BLNK: variants seen among roughly 807,000 people sequenced by gnomAD.
BLNK encodes B cell linker.
A neutral mutation model predicts 73.5 loss-of-function variants in BLNK; 29 were observed. The ratio of observed to expected loss-of-function variants is 0.39; its 90% CI spans 0.29 to 0.54. The LOEUF is 0.54. Ranked by LOEUF, BLNK falls within the 20% of genes least tolerant of loss-of-function variation. The probability of loss-of-function intolerance (pLI) is 0.61; values close to 1 mark genes in which losing one functional copy is unlikely to be tolerated. For synonymous variants in BLNK, 176 were observed against 200.8 expected (o/e 0.88, Z 1.04); for missense variants, 460 against 562.8 (o/e 0.82, Z 1.85).
At position 96,224,025 on chromosome 10, in the gene BLNK, A is replaced by G. The variant is rs1554901864; in HGVS notation, c.362-36T>C. The G allele has an allele frequency of 2.5e-6, 4 of 1,611,284 alleles. No individual in the cohort carries two copies. The South Asian group carries it at 4.4e-5, about 18-fold the overall frequency. On this transcript the variant is annotated intron_variant, in intron 5 of 16. Transcript: ENST00000224337. ...ACAAACAAAAAACATAACATAAAAG[A>G]GGCTCTGGATCATTTCCTGGGTGGA...
chr10:96,222,412 A>C (rs781970706), intron 6 of BLNK, among the ~76,000 whole-genome samples: 38 of 152,192 alleles, frequency 2.5e-4, no homozygotes, highest in Non-Finnish European at 4.3e-4. Context: ...CTCTGTCCTT[A>C]TTTAAAATGC....
intron 1 of BLNK, among the ~76,000 whole-genome samples, chr10:96,258,325 A>T (rs372431369): frequency 1.3e-5 from 2 of 152,304 alleles, no homozygotes; most frequent in South Asian, 4.1e-4. Context: ...ACAGATGCAG[A>T]TACTGAAGCC....
intron 1 of BLNK, among the ~76,000 whole-genome samples, chr10:96,260,169 T>C (rs1226137109): frequency 6.6e-6 from 1 of 152,126 alleles, no homozygotes; most frequent in African/African-American, 2.4e-5. Flanking sequence ...TAAAAGCAGA[T>C]TGCAAAAACC....
At chr10:96,222,669 C>T (rs2084225446) in intron 6 of BLNK, among the ~76,000 whole-genome samples, 1 of 152,082 alleles carries the variant, frequency 6.6e-6, no homozygotes, top group Admixed American at 6.5e-5. Context: ...GAAGCAAGAG[C>T]TGTCAAAGGG....
At chr10:96,215,805 C>T in intron 7 of BLNK, 1 of 162,748 alleles carries the variant, frequency 6.1e-6, no homozygotes, top group Non-Finnish European at 1.3e-5. Context: ...ATGCAATACA[C>T]ACCATTGCTC....
At chr10:96,207,847 A>G in intron 10 of BLNK, 25 bp downstream of exon 10, 1 of 1,613,340 alleles carries the variant, frequency 6.2e-7, no homozygotes, top group Non-Finnish European at 8.5e-7. Context: ...AATATGAAGC[A>G]CTTTTAAATG....
intron 1 of BLNK, among the ~76,000 whole-genome samples, chr10:96,250,115 G>T (rs1302284155): frequency 6.6e-6 from 1 of 152,118 alleles, no homozygotes; most frequent in Admixed American, 6.5e-5. Flanking sequence ...TAGCTAGGGA[G>T]GCCGGGCACA....
chr10:96,256,849 C>G (rs563270714), intron 1 of BLNK, among the ~76,000 whole-genome samples: 34 of 143,532 alleles, frequency 2.4e-4, no homozygotes, highest in Admixed American at 4.3e-4. Context: ...CCACTGCACT[C>G]CAGCCTGGGC....
rs2083327264 is a variant in BLNK at position 96,191,377 on chromosome 10, T to G, written c.*596A>C. ...TAGATCAAAGAGGGTATAATTATCT[T>G]TAGTAAGCAAAACTAACAGCATAAT... On this transcript the variant is annotated 3_prime_UTR_variant, in exon 17 of 17. Transcript: ENST00000224337. Among the ~76,000 whole-genome samples, 1 of 152,018 alleles carries G rather than the reference T, an allele frequency of 6.6e-6. No homozygotes were observed. Among genetic ancestry groups the G allele is most frequent in the Non-Finnish European group, 1.5e-5 (1 of 67,988 alleles).
In BLNK at chr10:96,191,268, A is replaced by G. The variant is rs1257860504; in HGVS notation, c.*705T>C. On this transcript the variant is annotated 3_prime_UTR_variant, in exon 17 of 17. Coordinates refer to ENST00000224337, the MANE Select transcript of BLNK (RefSeq NM_013314.4). Reference sequence around the variant, plus strand: ...TTTTTTTTTTTTATGTAAATCACCCAGTCTTGAGTATGTCTTTATTAGCAG... The same window carrying G: ...TTTTTTTTTTTTATGTAAATCACCCGGTCTTGAGTATGTCTTTATTAGCAG... 7.5e-6 allele frequency among the ~76,000 whole-genome samples: 1 copy of G among 133,968 alleles called. No individual in the cohort carries two copies. Among genetic ancestry groups the G allele is most frequent in the South Asian group, 2.3e-4 (1 of 4,316 alleles). The allele number at this position is 133,968 out of a possible 152,430, so 87.9% of individuals were successfully genotyped here. A position where few individuals can be genotyped will look rare whatever the true frequency, so the allele number is the denominator to read the frequency against.
At chr10:96,226,883 A>T (rs1328888043) in intron 5 of BLNK, among the ~76,000 whole-genome samples, 1 of 151,908 alleles carries the variant, frequency 6.6e-6, no homozygotes, top group Non-Finnish European at 1.5e-5. Context: ...AGCTGTGTCC[A>T]TTTAACCCAT....
chr10:96,238,734 A>G (rs12252673), intron 3 of BLNK, among the ~76,000 whole-genome samples: 11,700 of 152,192 alleles, frequency 0.077, 1,254 homozygotes, highest in East Asian at 0.38. Context: ...ATTGAGTGTA[A>G]GAGCAGGGGA....
chr10:96,208,404 A>G (rs916454224), intron 9 of BLNK, among the ~76,000 whole-genome samples: 3 of 152,134 alleles, frequency 2.0e-5, no homozygotes, highest in Non-Finnish European at 4.4e-5. Flanking sequence ...GTCTCTAGGG[A>G]CTATTCTCCA....
chr10:96,207,487 G>A (rs1324674031), intron 10 of BLNK, among the ~76,000 whole-genome samples: 1 of 152,218 alleles, frequency 6.6e-6, no homozygotes. Context: ...TGTGGCCCAG[G>A]TTCACCATGT....
At chr10:96,243,476 G>A (rs911490201) in intron 2 of BLNK, among the ~76,000 whole-genome samples, 2 of 152,192 alleles carry the variant, frequency 1.3e-5, no homozygotes, top group African/African-American at 2.4e-5. Context: ...GGGCCCCAGA[G>A]GTCAAAGCTG....
chr10:96,218,789 CTCTT>C, intron 6 of BLNK, among the ~76,000 whole-genome samples: 1 of 152,090 alleles, frequency 6.6e-6, no homozygotes, highest in Non-Finnish European at 1.5e-5. Context: ...CCTCCCCCTC[CTCTT>C]TCTGTCTTAT....
At chr10:96,233,105 C>T (rs1337784343) in intron 3 of BLNK, among the ~76,000 whole-genome samples, 4 of 152,200 alleles carry the variant, frequency 2.6e-5, no homozygotes, top group Non-Finnish European at 5.9e-5. Flanking sequence ...TGCATCTGGT[C>T]AATGTGTTTC....
rs1413210780 is a variant in BLNK, at chr10:96,201,174, C to A, written c.935-116G>T. 10 of 941,962 alleles carry A rather than the reference C, an allele frequency of 1.1e-5. No individual in the cohort carries two copies. In the African/African-American group the frequency reaches 1.6e-4, roughly 15 times the overall value. 58.4% of individuals were successfully genotyped at this position (941,962 alleles called of 1,614,324 possible). A position where few individuals can be genotyped will look rare whatever the true frequency, so the allele number is the denominator to read the frequency against. ...AGGGACACATCCACCAAAAAAAATC[C>A]TTAAGGCAATGGTTCCAAAAGTGTG... On this transcript the variant is annotated intron_variant, in intron 13 of 16. Coordinates refer to ENST00000224337, the MANE Select transcript of BLNK (RefSeq NM_013314.4).
chr10:96,239,368 A>G (rs1842809749), intron 3 of BLNK, among the ~76,000 whole-genome samples: 1 of 152,242 alleles, frequency 6.6e-6, no homozygotes, highest in Non-Finnish European at 1.5e-5. Context: ...ATAGATGAGG[A>G]AAGGAGCATG....
Sources: allele counts gnomAD v4.1 joint callset (sites outside exome capture counted in the v4.1 genomes callset), GRCh38; gene constraint gnomAD v4.1.1; transcripts MANE v1.5; gene names NCBI Gene and HGNC (gene_info 2026-07-23, HGNC 2026-07-21).